Variants in RBFOX1 observed in about 807,000 individuals in gnomAD.
The protein encoded by RBFOX1 is RNA binding protein fox-1 homolog 1.
In RBFOX1, 8 loss-of-function variants were observed where a neutral mutation model predicts 57.7. That is an observed-to-expected ratio of 0.14 (90% CI 0.08 to 0.25). The LOEUF is 0.25. Among genes scored for constraint, RBFOX1 ranks in the 10% least tolerant of loss-of-function variants. The pLI is 1.00. For synonymous variants in RBFOX1, 326 were observed against 222.4 expected (o/e 1.47, Z -4.15); for missense variants, 611 against 548.5 (o/e 1.11, Z -1.14).
At chr16:5,790,123 C>G (rs1305602738) in intron 3 of RBFOX1, among the ~76,000 whole-genome samples, 5 of 152,204 alleles carry the variant, frequency 3.3e-5, no homozygotes, top group Admixed American at 6.5e-5. Context: ...CATTTGACCT[C>G]CAAGGGAAAA....
chr16:7,549,715 C>G (rs934641646), intron 5 of RBFOX1, among the ~76,000 whole-genome samples: 5 of 152,084 alleles, frequency 3.3e-5, no homozygotes, highest in Non-Finnish European at 4.4e-5. Context: ...TTAGTCTTTC[C>G]ACCTTCTTCT....
chr16:6,645,908 C>G (rs1476032564), intron 2 of RBFOX1, among the ~76,000 whole-genome samples: 1 of 152,102 alleles, frequency 6.6e-6, no homozygotes, highest in Non-Finnish European at 1.5e-5. Flanking sequence ...AGTTCCAAAA[C>G]TGGTGTGGTT....
intron 3 of RBFOX1, among the ~76,000 whole-genome samples, chr16:6,840,622 C>T (rs1236512848): frequency 6.6e-6 from 1 of 152,036 alleles, no homozygotes; most frequent in African/African-American, 2.4e-5. Flanking sequence ...GTCACAGTGG[C>T]TCATACCCAT....
intron 3 of RBFOX1, among the ~76,000 whole-genome samples, chr16:6,695,732 G>C (rs926987831): frequency 5.2e-4 from 79 of 152,184 alleles, no homozygotes; most frequent in African/African-American, 1.7e-3. Context: ...GGAAAATATA[G>C]TTCAAGAATC....
chr16:5,305,330 A>G (rs536857489), intron 1 of RBFOX1, among the ~76,000 whole-genome samples: 2 of 152,222 alleles, frequency 1.3e-5, no homozygotes, highest in South Asian at 2.1e-4. Context: ...ACATTTTGGT[A>G]GAGATTCTTC....
intron 4 of RBFOX1, among the ~76,000 whole-genome samples, chr16:7,172,526 C>T (rs2080899175): frequency 6.6e-6 from 1 of 152,166 alleles, no homozygotes; most frequent in Admixed American, 6.6e-5. Context: ...TGCAAATTAG[C>T]ACTACCTCCT....
intron 3 of RBFOX1, among the ~76,000 whole-genome samples, chr16:5,858,116 G>C (rs192706861): frequency 1.8e-4 from 28 of 152,220 alleles, no homozygotes; most frequent in Admixed American, 1.8e-3. Flanking sequence ...AATTTGGCAA[G>C]CTAAAGGCTC....
intron 2 of RBFOX1, among the ~76,000 whole-genome samples, chr16:6,496,667 C>T (rs2095778747): frequency 6.6e-6 from 1 of 152,092 alleles, no homozygotes; most frequent in African/African-American, 2.4e-5. Context: ...AGCTAAATTA[C>T]AGCGAGTATT....
At chr16:6,324,393 C>G (rs868409252) in intron 2 of RBFOX1, among the ~76,000 whole-genome samples, 1 of 152,120 alleles carries the variant, frequency 6.6e-6, no homozygotes, top group South Asian at 2.1e-4. Flanking sequence ...AATTGGCTCA[C>G]AGAGCCACAG....
chr16:7,568,950 G>A (rs1212349932), intron 5 of RBFOX1, among the ~76,000 whole-genome samples: 1 of 148,948 alleles, frequency 6.7e-6, no homozygotes, highest in Non-Finnish European at 1.5e-5. Context: ...GTAGGTCTCA[G>A]CCTCATTTTA....
At chr16:7,291,898 A>G (rs977337022) in intron 4 of RBFOX1, among the ~76,000 whole-genome samples, 34 of 82,298 alleles carry the variant, frequency 4.1e-4, no homozygotes, top group Admixed American at 1.3e-3. Context: ...ATAATGTACT[A>G]TATAATGTAT....
intron 3 of RBFOX1, among the ~76,000 whole-genome samples, chr16:6,984,297 T>C (rs2089719527): frequency 6.6e-6 from 1 of 152,122 alleles, no homozygotes; most frequent in South Asian, 2.1e-4. Flanking sequence ...CTGTGTGACC[T>C]AGAGAAATTT....
intron 4 of RBFOX1, among the ~76,000 whole-genome samples, chr16:7,217,117 C>A (rs943052863): frequency 2.0e-5 from 3 of 146,502 alleles, no homozygotes; most frequent in African/African-American, 7.6e-5. Flanking sequence ...CTTTCCTTTC[C>A]TTTCTTTTTG....
chr16:6,009,444 C>T (rs1470684064), intron 4 of RBFOX1, among the ~76,000 whole-genome samples: 1 of 152,200 alleles, frequency 6.6e-6, no homozygotes, highest in Non-Finnish European at 1.5e-5. Context: ...TACATTACAT[C>T]ACTGTTTCTT....
At chr16:6,806,779 C>T (rs959126133) in intron 3 of RBFOX1, among the ~76,000 whole-genome samples, 1 of 81,484 alleles carries the variant, frequency 1.2e-5, no homozygotes, top group Admixed American at 1.2e-4. Context: ...GTTTCTTTTT[C>T]TCTTTCCTTT....
intron 1 of RBFOX1, among the ~76,000 whole-genome samples, chr16:5,388,484 G>A (rs1478980364): frequency 1.3e-5 from 2 of 152,162 alleles, no homozygotes; most frequent in African/African-American, 2.4e-5. Flanking sequence ...ATGATTGCTA[G>A]TAGGTGGGCT....
intron 3 of RBFOX1, among the ~76,000 whole-genome samples, chr16:5,762,954 A>C (rs2053640635): frequency 6.6e-6 from 1 of 152,236 alleles, no homozygotes; most frequent in Non-Finnish European, 1.5e-5. Context: ...ATTGCTGAAT[A>C]GTGACACTGT....
intron 3 of RBFOX1, among the ~76,000 whole-genome samples, chr16:6,756,878 G>A (rs562118030): frequency 1.3e-5 from 2 of 152,100 alleles, no homozygotes; most frequent in Admixed American, 6.6e-5. Flanking sequence ...GGGAGGCTGA[G>A]GCAGGAGAAT....
intron 1 of RBFOX1, among the ~76,000 whole-genome samples, chr16:6,202,986 G>A (rs1372706063): frequency 6.6e-6 from 1 of 151,856 alleles, no homozygotes; most frequent in African/African-American, 2.4e-5. Context: ...TTGTTGCCAA[G>A]GCTGGTCTTG....
Sources: gnomAD v4.1 joint callset for allele counts (sites outside exome capture counted in the v4.1 genomes callset) on GRCh38, gnomAD v4.1.1 for gene constraint, MANE v1.5 for transcripts, NCBI Gene and HGNC (gene_info 2026-07-23, HGNC 2026-07-21) for gene names.